Variants in GPR27 observed in about 807,000 individuals in gnomAD.
GPR27 encodes G protein-coupled receptor 27.
A neutral mutation model predicts 2.4 loss-of-function variants in GPR27; 3 were observed. The ratio of observed to expected loss-of-function variants is 1.23; its 90% CI spans 0.56 to 3.18. The LOEUF (loss-of-function observed/expected upper bound fraction) is 3.18, where lower values mean the gene tolerates loss of function less well. Among genes scored for constraint, GPR27 ranks in the 30% most tolerant of loss-of-function variants. GPR27 has a pLI of 0.03. For missense variants in GPR27, 526 were observed against 566.1 expected (o/e 0.93, Z 0.72); for synonymous variants, 367 against 296.4 (o/e 1.24, Z -2.45).
rs992380292 is a variant in GPR27, at chr3:71,755,832, A to G, written c.*655A>G. The G allele has an allele frequency of 1.1e-4, 16 of 152,202 alleles. No homozygotes were observed. The allele number at this position is 152,202 out of a possible 1,614,324, so 9.4% of individuals were successfully genotyped here. A position where few individuals can be genotyped will look rare whatever the true frequency, so the allele number is the denominator to read the frequency against. On this transcript the variant is annotated 3_prime_UTR_variant, in exon 1 of 1. Coordinates refer to ENST00000304411, the MANE Select transcript of GPR27 (RefSeq NM_018971.3). ...TTTTTAAAGCAGTAAGTAACAAGTA[A>G]GATTTGGTTCCCGGTTTACTTTCTG...
rs1302529377 is a variant in GPR27, at chr3:71,753,887, G to T, written c.-163G>T. Among the ~76,000 whole-genome samples the T allele has an allele frequency of 6.7e-6, 1 of 148,646 alleles. No homozygotes were observed. The highest frequency in any genetic ancestry group is 1.5e-5 in the Non-Finnish European group (1 of 66,580). On this transcript the variant is annotated 5_prime_UTR_variant, in exon 1 of 1. Transcript: ENST00000304411. ...AGATGGCGGCGGCGGCACAGCGGCG[G>T]CTCGGGGAGCCCAGGAGGGGCCGGC...
At position 71,754,745 on chromosome 3, in the gene GPR27, G is replaced by A; in HGVS notation, c.696G>A (p.Pro232=). 22 of 1,385,552 alleles carry A rather than the reference G, an allele frequency of 1.6e-5. No individual in the cohort carries two copies. Among genetic ancestry groups the A allele is most frequent in the African/African-American group, 3.0e-5 (2 of 66,550 alleles). 85.8% of individuals were successfully genotyped at this position (1,385,552 alleles called of 1,614,324 possible). ...GCCACGACTGGACCTTCCACGGCCC[G>A]GGCGCCACCGGCCAGGCGGCCGCCA... is the stretch of plus-strand genomic sequence containing the variant. ...AVSHDWTFHG[P]GATGQAAANW... Residue 232 remains proline, a synonymous_variant, in exon 1 of 1, where the codon CCG becomes CCA. Coordinates refer to ENST00000304411, the MANE Select transcript of GPR27 (RefSeq NM_018971.3). The surrounding 1 kb of genome is among the most constrained non-coding windows in gnomAD (Gnocchi z 5.8).
chr3:71,755,439 G>T lies in GPR27; in HGVS notation c.*262G>T. On this transcript the variant is annotated 3_prime_UTR_variant, in exon 1 of 1. Transcript: ENST00000304411. The stretch of plus-strand genomic sequence containing the variant: ...ATAGGCCCTGCAGTCTTTTTGTAGC[G>T]GTACTGACGTCTTTTATTCCATGTG... 1 of 467,886 alleles carries T rather than the reference G, an allele frequency of 2.1e-6. No individual in the cohort carries two copies. The highest frequency in any genetic ancestry group is 3.8e-5 in the Admixed American group (1 of 26,158). The allele number at this position is 467,886 out of a possible 1,614,324, so 29.0% of individuals were successfully genotyped here.
chr3:71,754,611 C>T lies in GPR27; in HGVS notation c.562C>T (p.Leu188=). Residue 188 remains leucine (L), a synonymous_variant, in exon 1 of 1, where the codon CTG becomes TTG. Transcript: ENST00000304411. This position sits in a 1 kb window ranked among gnomAD's most constrained non-coding sequence, Gnocchi z 5.8. The part of the protein sequence containing the change: ...DGAPGALGFL[L]LLAVVVGATH... ...CGCCCCCGGCGCGCTGGGCTTCCTG[C>T]TGCTGCTGGCCGTGGTGGTGGGCGC... 1.4e-6 allele frequency: 2 copies of T among 1,450,726 alleles called. No homozygotes were observed. The highest frequency in any genetic ancestry group is 1.5e-5 in the African/African-American group (1 of 67,486). 89.9% of individuals were successfully genotyped at this position (1,450,726 alleles called of 1,614,324 possible). A position where few individuals can be genotyped will look rare whatever the true frequency, so the allele number is the denominator to read the frequency against.
Position 71,755,153 on chromosome 3 carries a change from C to T in GPR27, c.1104C>T (p.Cys368=). The change falls in exon 1 of 1, where the codon TGC becomes TGT. Residue 368 remains cysteine, a synonymous_variant. Coordinates refer to ENST00000304411, the MANE Select transcript of GPR27 (RefSeq NM_018971.3). ...GGACCACCCAGGCGACCCATCCCTG[C>T]GACCTGAAAGGCATTGGTTTATGAG... is the stretch of plus-strand genomic sequence containing the variant. ...SPRTTQATHP[C]DLKGIGL is the part of the protein sequence containing the mutation. 2 of 1,605,728 alleles carry T rather than the reference C, an allele frequency of 1.2e-6. No homozygotes were observed. The highest frequency in any genetic ancestry group is 8.5e-7 in the Non-Finnish European group (1 of 1,178,662).
Position 71,754,607 on chromosome 3 carries a change from C to G in GPR27, c.558C>G (p.Phe186Leu), listed in dbSNP as rs759748874. ...RPDGAPGALG[F>L]LLLLAVVVGA... Reference sequence around the variant, plus strand: ...ACGGCGCCCCCGGCGCGCTGGGCTTCCTGCTGCTGCTGGCCGTGGTGGTGG... The same window carrying G: ...ACGGCGCCCCCGGCGCGCTGGGCTTGCTGCTGCTGCTGGCCGTGGTGGTGG... Residue 186 changes from phenylalanine to leucine, a missense_variant, in exon 1 of 1, where the codon TTC becomes TTG. Around this residue, in one of 3 missense-constraint regions of GPR27, gnomAD observed 312 missense variants for 318.4 expected, o/e 0.98. Transcript: ENST00000304411. This position sits in a 1 kb window ranked among gnomAD's most constrained non-coding sequence, Gnocchi z 5.8. 1 of 1,446,774 alleles carries G rather than the reference C, an allele frequency of 6.9e-7. No individual in the cohort carries two copies. Among genetic ancestry groups the G allele is most frequent in the Non-Finnish European group, 9.1e-7 (1 of 1,102,030 alleles). 89.6% of individuals were successfully genotyped at this position (1,446,774 alleles called of 1,614,324 possible).
At position 71,754,072 on chromosome 3, in the gene GPR27, G is replaced by C. The variant is rs1276762312; in HGVS notation, c.23G>C (p.Gly8Ala). MANASEP[G>A]GSGGGEAAAL... Reference sequence around the variant, plus strand: ...GCGATGGCGAACGCGAGCGAGCCGGGTGGCAGCGGCGGCGGCGAGGCGGCC... The same window carrying C: ...GCGATGGCGAACGCGAGCGAGCCGGCTGGCAGCGGCGGCGGCGAGGCGGCC... The change falls in exon 1 of 1, where the codon GGT becomes GCT. Residue 8 changes from glycine to alanine, a missense_variant. By Grantham distance (60) the Gly-to-Ala change is moderately conservative (BLOSUM62 0). This residue lies in a region of GPR27 where 312 missense variants were observed against 318.4 expected (regional missense o/e 0.98). Transcript: ENST00000304411. This position sits in a 1 kb window ranked among gnomAD's most constrained non-coding sequence, Gnocchi z 5.8. The C allele has an allele frequency of 1.5e-6, 2 of 1,310,262 alleles. No homozygotes were observed. Among genetic ancestry groups the C allele is most frequent in the Non-Finnish European group, 9.8e-7 (1 of 1,017,378 alleles). The allele number at this position is 1,310,262 out of a possible 1,614,324, so 81.2% of individuals were successfully genotyped here.
At position 71,754,460 on chromosome 3, in the gene GPR27, G is replaced by A; in HGVS notation, c.411G>A (p.Trp137Ter). Residue 137 changes from tryptophan to a stop codon, truncating the protein, a stop_gained, in exon 1 of 1, where the codon TGG becomes TGA. Coordinates refer to ENST00000304411, the MANE Select transcript of GPR27 (RefSeq NM_018971.3). LOFTEE classifies it low-confidence loss of function (END_TRUNC). The surrounding 1 kb of genome is among the most constrained non-coding windows in gnomAD (Gnocchi z 5.8). ...TCTATGCAGAGCGCCTGGCCGGCTG[G>A]CCGTGCGCCGCCATGCTGGTGTGCG... Reference protein sequence around the residue: ...HRFYAERLAGWPCAAMLVCAA... With the variant: ...HRFYAERLAG 7.5e-7 allele frequency: 1 copy of A among 1,333,660 alleles called. No homozygotes were observed. The highest frequency in any genetic ancestry group is 9.6e-7 in the Non-Finnish European group (1 of 1,036,326). The allele number at this position is 1,333,660 out of a possible 1,614,324, so 82.6% of individuals were successfully genotyped here. A position where few individuals can be genotyped will look rare whatever the true frequency, so the allele number is the denominator to read the frequency against.
At position 71,755,033 on chromosome 3, in the gene GPR27, C is replaced by A. The variant is rs1441087798; in HGVS notation, c.984C>A (p.Phe328Leu). Residue 328 changes from phenylalanine (F) to leucine (L), a missense_variant, in exon 1 of 1, where the codon TTC becomes TTA. By Grantham distance (22) the Phe-to-Leu change is conservative. Coordinates refer to ENST00000304411, the MANE Select transcript of GPR27 (RefSeq NM_018971.3). ...TGACGGCCTCCGTGTGGCTGACCTTCGCGCAGGCCGGCATCAACCCCGTCG... is the reference window on the plus strand; with the variant it reads ...TGACGGCCTCCGTGTGGCTGACCTTAGCGCAGGCCGGCATCAACCCCGTCG... ...AYLTASVWLT[F>L]AQAGINPVVC... 1 of 1,612,756 alleles carries A rather than the reference C, an allele frequency of 6.2e-7. No homozygotes were observed. The highest frequency in any genetic ancestry group is 8.5e-7 in the Non-Finnish European group (1 of 1,179,978).
rs1418809880 is a variant in GPR27, at chr3:71,755,472, T to C, written c.*295T>C. ...CGTCTTTTATTCCATGTGTGGTTCC[T>C]TTTTTTCTTTTTCTATAAAGGCTGT... On this transcript the variant is annotated 3_prime_UTR_variant, in exon 1 of 1. Coordinates refer to ENST00000304411, the MANE Select transcript of GPR27 (RefSeq NM_018971.3). The C allele has an allele frequency of 5.7e-6, 2 of 352,416 alleles. No homozygotes were observed. Among genetic ancestry groups the C allele is most frequent in the Non-Finnish European group, 1.0e-5 (2 of 194,744 alleles). 21.8% of individuals were successfully genotyped at this position (352,416 alleles called of 1,614,324 possible).
At position 71,755,249 on chromosome 3, in the gene GPR27, C is replaced by A; in HGVS notation, c.*72C>A. The A allele has an allele frequency of 8.3e-7, 1 of 1,211,964 alleles. No homozygotes were observed. The highest frequency in any genetic ancestry group is 1.1e-6 in the Non-Finnish European group (1 of 881,308). 75.1% of individuals were successfully genotyped at this position (1,211,964 alleles called of 1,614,324 possible). ...TCGGACGGTGACGTTGTATCTTTTC[C>A]TTCTGGCCCCTGTTTAATTTTCTAA... On this transcript the variant is annotated 3_prime_UTR_variant, in exon 1 of 1. Coordinates refer to ENST00000304411, the MANE Select transcript of GPR27 (RefSeq NM_018971.3).
Position 71,756,289 on chromosome 3 carries a change from T to G in GPR27, c.*1112T>G, listed in dbSNP as rs1441302241. 2 of 152,252 alleles carry G rather than the reference T, an allele frequency of 1.3e-5. No individual in the cohort carries two copies. Among genetic ancestry groups the G allele is most frequent in the African/African-American group, 2.4e-5 (1 of 41,472 alleles). 9.4% of individuals were successfully genotyped at this position (152,252 alleles called of 1,614,324 possible). On this transcript the variant is annotated 3_prime_UTR_variant, in exon 1 of 1. Coordinates refer to ENST00000304411, the MANE Select transcript of GPR27 (RefSeq NM_018971.3). ...TAAGCTGTGCTGTTCTACTGATGGT[T>G]GTTTTAAATTAATAATGAGAACTAT...
rs1400920081 is a variant in GPR27, at chr3:71,754,550, G to A, written c.501G>A (p.Glu167=). Reference sequence around the variant, plus strand: ...TGCTGGACGGCGGTGGCGACGACGAGGACGCGCCGTGCGCCCTGGAGCAGC... The same window carrying A: ...TGCTGGACGGCGGTGGCGACGACGAAGACGCGCCGTGCGCCCTGGAGCAGC... ...PPVLDGGGDD[E]DAPCALEQRP... is the part of the protein sequence containing the mutation. Residue 167 remains glutamate, a synonymous_variant, in exon 1 of 1, where the codon GAG becomes GAA. Coordinates refer to ENST00000304411, the MANE Select transcript of GPR27 (RefSeq NM_018971.3). This position sits in a 1 kb window ranked among gnomAD's most constrained non-coding sequence, Gnocchi z 5.8. The A allele has an allele frequency of 2.2e-6, 3 of 1,357,806 alleles. No individual in the cohort carries two copies. Among genetic ancestry groups the A allele is most frequent in the African/African-American group, 3.1e-5 (2 of 65,360 alleles). The allele number at this position is 1,357,806 out of a possible 1,614,324, so 84.1% of individuals were successfully genotyped here. A position where few individuals can be genotyped will look rare whatever the true frequency, so the allele number is the denominator to read the frequency against.
rs757714631 is a variant in GPR27, at chr3:71,754,916, C to T, written c.867C>T (p.Val289=). Residue 289 remains valine, a synonymous_variant, in exon 1 of 1, where the codon GTC becomes GTT. Coordinates refer to ENST00000304411, the MANE Select transcript of GPR27 (RefSeq NM_018971.3). This position sits in a 1 kb window ranked among gnomAD's most constrained non-coding sequence, Gnocchi z 5.8. ...GGCTGTGCAAGATGTTCTACGCCGT[C>T]ACGCTGCTCTTCCTGCTCCTCTGGG... ...EKRLCKMFYA[V]TLLFLLLWGP... 3.7e-5 allele frequency: 59 copies of T among 1,613,466 alleles called. No individual in the cohort carries two copies. The highest frequency in any genetic ancestry group is 4.5e-5 in the Non-Finnish European group (53 of 1,179,830).
At position 71,754,150 on chromosome 3, in the gene GPR27, C is replaced by A; in HGVS notation, c.101C>A (p.Ala34Glu). Residue 34 changes from alanine (A) to glutamate (E), a missense_variant, in exon 1 of 1, where the codon GCG (alanine) becomes GAG (glutamate). Transcript: ENST00000304411. This position sits in a 1 kb window ranked among gnomAD's most constrained non-coding sequence, Gnocchi z 5.8. ...AGCCTGCTGCTGTGCGTGAGCCTAG[C>A]GGGCAACGTGCTGTTCGCGCTGCTG... ...TLSLLLCVSL[A>E]GNVLFALLIV... The A allele has an allele frequency of 6.9e-7, 1 of 1,459,142 alleles. No homozygotes were observed. Among genetic ancestry groups the A allele is most frequent in the Non-Finnish European group, 9.1e-7 (1 of 1,097,996 alleles). 90.4% of individuals were successfully genotyped at this position (1,459,142 alleles called of 1,614,324 possible).
chr3:71,754,815 G>A lies in GPR27; in HGVS notation c.766G>A (p.Val256Met), dbSNP rs1201210781. The change falls in exon 1 of 1, where the codon GTG (valine) becomes ATG (methionine). Residue 256 changes from valine (V) to methionine (M), a missense_variant. Val to Met is a conservative substitution (Grantham distance 21, BLOSUM62 1). Transcript: ENST00000304411. The surrounding 1 kb of genome is among the most constrained non-coding windows in gnomAD (Gnocchi z 5.8). ...FGRGPTPPAL[V>M]GIRPAGPGRG... ...CCGCGGGCCCACGCCGCCCGCGCTTGTGGGCATCCGGCCCGCAGGGCCGGG... is the reference window on the plus strand; with the variant it reads ...CCGCGGGCCCACGCCGCCCGCGCTTATGGGCATCCGGCCCGCAGGGCCGGG... 1.3e-6 allele frequency: 2 copies of A among 1,497,668 alleles called. No individual in the cohort carries two copies. Among genetic ancestry groups the A allele is most frequent in the Non-Finnish European group, 1.8e-6 (2 of 1,123,794 alleles). 92.8% of individuals were successfully genotyped at this position (1,497,668 alleles called of 1,614,324 possible).
chr3:71,755,205 C>T lies in GPR27; in HGVS notation c.*28C>T. On this transcript the variant is annotated 3_prime_UTR_variant, in exon 1 of 1. Transcript: ENST00000304411. The stretch of plus-strand genomic sequence containing the variant: ...GAGGCCCCGCCACATAGACCCCCAA[C>T]CCAGCCTTTCCCTTTGGCTCGGACG... The T allele has an allele frequency of 6.6e-7, 1 of 1,518,184 alleles. No homozygotes were observed. Among genetic ancestry groups the T allele is most frequent in the Non-Finnish European group, 8.9e-7 (1 of 1,123,672 alleles). 94.0% of individuals were successfully genotyped at this position (1,518,184 alleles called of 1,614,324 possible).
Position 71,754,707 on chromosome 3 carries a change from G to T in GPR27, c.658G>T (p.Val220Leu). The change falls in exon 1 of 1, where the codon GTG (valine) becomes TTG (leucine). Residue 220 changes from valine (V) to leucine (L), a missense_variant. By Grantham distance (32) the Val-to-Leu change is conservative. Transcript: ENST00000304411. The surrounding 1 kb of genome is among the most constrained non-coding windows in gnomAD (Gnocchi z 5.8). ...DRRKMRPARL[V>L]PAVSHDWTFH... ...CCGCAAGATGCGGCCCGCGCGCCTG[G>T]TGCCCGCCGTCAGCCACGACTGGAC... 6.7e-7 allele frequency: 1 copy of T among 1,484,708 alleles called. No homozygotes were observed. The highest frequency in any genetic ancestry group is 1.2e-5 in the South Asian group (1 of 81,482). The allele number at this position is 1,484,708 out of a possible 1,614,324, so 92.0% of individuals were successfully genotyped here. A position where few individuals can be genotyped will look rare whatever the true frequency, so the allele number is the denominator to read the frequency against.
In GPR27 at chr3:71,754,424, G is replaced by A. The variant is rs1328791964; in HGVS notation, c.375G>A (p.Ala125=). ...GCGTCACCCGCTACCTGGCCATCGC[G>A]CACCACCGCTTCTATGCAGAGCGCC... ...GVGVTRYLAI[A]HHRFYAERLA... The change falls in exon 1 of 1, where the codon GCG becomes GCA. Residue 125 remains alanine, a synonymous_variant. Transcript: ENST00000304411. This position sits in a 1 kb window ranked among gnomAD's most constrained non-coding sequence, Gnocchi z 5.8. The A allele has an allele frequency of 1.5e-6, 2 of 1,355,080 alleles. No homozygotes were observed. The highest frequency in any genetic ancestry group is 1.9e-6 in the Non-Finnish European group (2 of 1,045,836). 83.9% of individuals were successfully genotyped at this position (1,355,080 alleles called of 1,614,324 possible). A position where few individuals can be genotyped will look rare whatever the true frequency, so the allele number is the denominator to read the frequency against.
Sources: gnomAD v4.1 joint callset for allele counts (sites outside exome capture counted in the v4.1 genomes callset) on GRCh38, gnomAD v4.1.1 for gene constraint, gnomAD v4.1.1 regional missense constraint, Gnocchi (gnomAD v3.1) non-coding constraint, MANE v1.5 for transcripts, NCBI Gene and HGNC (gene_info 2026-07-23, HGNC 2026-07-21) for gene names.